Variants in FSTL5 observed in about 807,000 individuals in gnomAD.
FSTL5 encodes the protein follistatin-related protein 5.
FSTL5 carries 62 observed loss-of-function variants against 89.1 expected under a neutral mutation model. The observed-to-expected ratio is 0.70, with a 90% confidence interval of 0.57 to 0.86. FSTL5 has a LOEUF of 0.86. Ranked by LOEUF, FSTL5 falls within the 40% of genes least tolerant of loss-of-function variation. The probability of loss-of-function intolerance (pLI) is 0.00; values close to 1 mark genes in which losing one functional copy is unlikely to be tolerated. For missense variants in FSTL5, 1,057 were observed against 1,001.6 expected, an observed-to-expected ratio of 1.06 and a Z score of -0.75; for synonymous variants, 383 against 346.2, an observed-to-expected ratio of 1.11 and a Z score of -1.18.
At chr4:161,412,499 G>C (rs769395690) in intron 15 of FSTL5, among the ~76,000 whole-genome samples, 1 of 151,960 alleles carries the variant, frequency 6.6e-6, no homozygotes, top group African/African-American at 2.4e-5. Context: ...GGGGCCTGTC[G>C]TGGGGTAGGG....
At chr4:161,458,430 A>G (rs954958666) in intron 14 of FSTL5, among the ~76,000 whole-genome samples, 3 of 152,220 alleles carry the variant, frequency 2.0e-5, no homozygotes, top group Admixed American at 2.0e-4. Flanking sequence ...ATATTGCAAT[A>G]CTGAAAATAA....
In FSTL5 at chr4:161,671,438, T is replaced by G. The variant is rs141458521; in HGVS notation, c.728-14944A>C. On this transcript the variant is annotated intron_variant, in intron 6 of 15. Coordinates refer to ENST00000306100, the MANE Select transcript of FSTL5 (RefSeq NM_020116.5). ...CTCTATATATGCGGAGCTGAGCAGT[T>G]GCCGCTAAGACCTACGGTATGCAAA... Among the ~76,000 whole-genome samples the G allele has an allele frequency of 5.9e-5, 9 of 152,346 alleles. No individual in the cohort carries two copies. In the East Asian group the frequency reaches 1.7e-3, roughly 29 times the overall value.
Position 161,437,565 on chromosome 4 carries a change from C to CAAAAAAAAAAAAAAAA in FSTL5, c.1841+17423_1841+17438dup, listed in dbSNP as rs56229701. 1.1e-3 allele frequency among the ~76,000 whole-genome samples: 73 copies of CAAAAAAAAAAAAAAAA among 68,494 alleles called. 6 individuals are homozygous for CAAAAAAAAAAAAAAAA. Among genetic ancestry groups the CAAAAAAAAAAAAAAAA allele is most frequent in the South Asian group, 8.1e-3 (13 of 1,610 alleles). The allele number at this position is 68,494 out of a possible 152,430, so 44.9% of individuals were successfully genotyped here. On this transcript the variant is annotated intron_variant, in intron 15 of 15. Coordinates refer to ENST00000306100, the MANE Select transcript of FSTL5 (RefSeq NM_020116.5). Reference sequence around the variant, plus strand: ...CTGGTGACAGAGTGAGACTCCGTCTCAAAAAAAAAAAAAAAAACGAGGTCA... The same window carrying CAAAAAAAAAAAAAAAA: ...CTGGTGACAGAGTGAGACTCCGTCTCAAAAAAAAAAAAAAAAAAAAAAAAAAAAAAAAACGAGGTCA...
intron 4 of FSTL5, among the ~76,000 whole-genome samples, chr4:161,903,625 T>TC (rs1287178363): frequency 6.6e-6 from 1 of 152,046 alleles, no homozygotes; most frequent in Non-Finnish European, 1.5e-5. Context: ...GCCAGACAAG[T>TC]CAACTATGGG....
At position 162,141,687 on chromosome 4, in the gene FSTL5, G is replaced by A. The variant is rs904069105; in HGVS notation, c.-17+21928C>T. Among the ~76,000 whole-genome samples the A allele has an allele frequency of 5.3e-5, 8 of 152,226 alleles. 1 individual carries two copies. The East Asian group carries it at 7.7e-4, about 15-fold the overall frequency. On this transcript the variant is annotated intron_variant, in intron 1 of 15. Transcript: ENST00000306100. Reference sequence around the variant, plus strand: ...CAAGCATGTTTTTGGTGGCGGTGGCGGGAAGAGGAGAAGATAACCAGTTCA... The same window carrying A: ...CAAGCATGTTTTTGGTGGCGGTGGCAGGAAGAGGAGAAGATAACCAGTTCA...
chr4:161,993,729 G>A (rs1052383181), intron 3 of FSTL5, among the ~76,000 whole-genome samples: 5 of 151,766 alleles, frequency 3.3e-5, no homozygotes, highest in Non-Finnish European at 7.4e-5. Context: ...AGATTTGGGG[G>A]AGAGGGAAGT....
chr4:161,422,639 T>A (rs1732031585), intron 15 of FSTL5, among the ~76,000 whole-genome samples: 1 of 152,200 alleles, frequency 6.6e-6, no homozygotes, highest in Admixed American at 6.5e-5. Flanking sequence ...TAACCCTTGC[T>A]TTCTTCTAGC....
At chr4:161,961,524 AATATAT>A (rs10601527) in intron 3 of FSTL5, among the ~76,000 whole-genome samples, 1 of 144,524 alleles carries the variant, frequency 6.9e-6, no homozygotes, top group Non-Finnish European at 1.5e-5. Flanking sequence ...ACTCTAGAAA[AATATAT>A]ATATATATAT....
intron 4 of FSTL5, among the ~76,000 whole-genome samples, chr4:161,895,624 T>C (rs1210215473): frequency 1.3e-5 from 2 of 152,140 alleles, no homozygotes; most frequent in Non-Finnish European, 2.9e-5. Flanking sequence ...ATGGCAGAAA[T>C]AGCATGGCAA....
At chr4:161,841,757 T>TG (rs1731218105) in intron 4 of FSTL5, among the ~76,000 whole-genome samples, 1 of 152,182 alleles carries the variant, frequency 6.6e-6, no homozygotes, top group Non-Finnish European at 1.5e-5. Context: ...AGGTGGCCCA[T>TG]GTAGTAGTTG....
chr4:161,540,681 G>A (rs1560944826), intron 9 of FSTL5, among the ~76,000 whole-genome samples: 1 of 151,940 alleles, frequency 6.6e-6, no homozygotes, highest in East Asian at 1.9e-4. Context: ...CTCCCCACCA[G>A]GAGCTACTAT....
Position 161,720,315 on chromosome 4 carries a change from A to ATATC in FSTL5, c.727+39092_727+39095dup, listed in dbSNP as rs1422490970. On this transcript the variant is annotated intron_variant, in intron 6 of 15. Coordinates refer to ENST00000306100, the MANE Select transcript of FSTL5 (RefSeq NM_020116.5). ...AAATGCAAATCAAAACTACAATGAG[A>ATATC]TATCACCTTATACCTGTTACGATAG... 4.6e-5 allele frequency among the ~76,000 whole-genome samples: 7 copies of ATATC among 152,298 alleles called. No homozygotes were observed. In the East Asian group the frequency reaches 1.3e-3, roughly 29 times the overall value.
intron 3 of FSTL5, among the ~76,000 whole-genome samples, chr4:161,978,201 T>G (rs1348392864): frequency 1.3e-5 from 2 of 152,192 alleles, no homozygotes; most frequent in African/African-American, 4.8e-5. Flanking sequence ...TATGTCCCAT[T>G]TAAGTAAAGT....
chr4:161,874,683 A>G (rs1229026517), intron 4 of FSTL5, among the ~76,000 whole-genome samples: 1 of 148,786 alleles, frequency 6.7e-6, no homozygotes, highest in Non-Finnish European at 1.5e-5. Context: ...GTTTGAGTTG[A>G]TGAATCTTCT....
chr4:161,490,047 G>T (rs948573357), intron 12 of FSTL5, among the ~76,000 whole-genome samples: 1 of 151,940 alleles, frequency 6.6e-6, no homozygotes, highest in African/African-American at 2.4e-5. Flanking sequence ...ACAGAGACAT[G>T]AATTCTGTTG....
Position 161,538,190 on chromosome 4 carries a change from C to G in FSTL5, c.1288G>C (p.Val430Leu). The G allele has an allele frequency of 6.2e-7, 1 of 1,613,910 alleles. No homozygotes were observed. Among genetic ancestry groups the G allele is most frequent in the South Asian group, 1.1e-5 (1 of 91,072 alleles). The change falls in exon 10 of 16, where the codon GTG becomes CTG. Residue 430 changes from valine to leucine, a missense_variant. Val to Leu is a conservative substitution (Grantham distance 32). Around this residue, in one of 3 missense-constraint regions of FSTL5, gnomAD observed 980 missense variants for 903.2 expected, o/e 1.08. Coordinates refer to ENST00000306100, the MANE Select transcript of FSTL5 (RefSeq NM_020116.5). ...GVDEDISSLF[V>L]EDSARKTLAN... ...CGGGTCTTTCTAGCAGAGTCTTCCA[C>G]AAAAAGAGAAGAGATGTCTTCATCC...
chr4:161,937,779 T>C (rs1734471959), intron 3 of FSTL5, among the ~76,000 whole-genome samples: 1 of 152,152 alleles, frequency 6.6e-6, no homozygotes, highest in Admixed American at 6.6e-5. Flanking sequence ...AGGTAAGCAA[T>C]GGCAAACTTA....
At chr4:161,414,532 G>A (rs960375680) in intron 15 of FSTL5, among the ~76,000 whole-genome samples, 3 of 152,134 alleles carry the variant, frequency 2.0e-5, no homozygotes. Context: ...TTTTAGTATT[G>A]AGTTCAAAGG....
chr4:161,769,729 G>T (rs1304470532), intron 5 of FSTL5, among the ~76,000 whole-genome samples: 1 of 151,860 alleles, frequency 6.6e-6, no homozygotes, highest in African/African-American at 2.4e-5. Flanking sequence ...AAAACTGAAA[G>T]CCTTTTCTCT....
Sources: allele counts gnomAD v4.1 joint callset (sites outside exome capture counted in the v4.1 genomes callset), GRCh38; gene constraint gnomAD v4.1.1; regional missense constraint gnomAD v4.1.1; transcripts MANE v1.5; gene names NCBI Gene and HGNC (gene_info 2026-07-23, HGNC 2026-07-21).